CSMD1: variants seen among roughly 807,000 people sequenced by gnomAD.
CSMD1 encodes the protein CUB and Sushi multiple domains 1.
A neutral mutation model predicts 417.5 loss-of-function variants in CSMD1; 213 were observed. That is an observed-to-expected ratio of 0.51 (90% CI 0.46 to 0.57). The LOEUF (loss-of-function observed/expected upper bound fraction) is 0.57, where lower values mean the gene tolerates loss of function less well. Among genes scored for constraint, CSMD1 ranks in the 20% least tolerant of loss-of-function variants. The probability of loss-of-function intolerance (pLI) is 0.00; values close to 1 mark genes in which losing one functional copy is unlikely to be tolerated. For synonymous variants in CSMD1, 2,862 were observed against 1,736.8 expected, an observed-to-expected ratio of 1.65 and a Z score of -16.11; for missense variants, 6,923 against 4,529.7, an observed-to-expected ratio of 1.53 and a Z score of -15.17.
rs1563309443 is a variant in CSMD1, at chr8:4,231,034, A to AG, written c.415+188918_415+188919insC. On this transcript the variant is annotated intron_variant, in intron 3 of 69. Transcript: ENST00000635120. ...ACATTCACAGAGCAAAAACTATCCA[A>AG]CTTGCTACCGTGGGAAAATTGGGGA... 1.7e-4 allele frequency among the ~76,000 whole-genome samples: 26 copies of AG among 152,020 alleles called. No individual in the cohort carries two copies. The South Asian group carries it at 5.0e-3, about 29-fold the overall frequency.
chr8:4,216,606 C>T (rs985553973), intron 3 of CSMD1, among the ~76,000 whole-genome samples: 4 of 152,156 alleles, frequency 2.6e-5, no homozygotes, highest in Admixed American at 2.0e-4. Context: ...GTGCTGAGGA[C>T]ACCGTGAAGT....
chr8:3,482,050 A>G (rs1817778639), intron 11 of CSMD1, among the ~76,000 whole-genome samples: 2 of 152,244 alleles, frequency 1.3e-5, no homozygotes, highest in Admixed American at 1.3e-4. Context: ...CATGAAATAT[A>G]CCACAAACAG....
At chr8:4,947,240 T>C (rs1369141397) in intron 1 of CSMD1, among the ~76,000 whole-genome samples, 1 of 152,154 alleles carries the variant, frequency 6.6e-6, no homozygotes, top group Non-Finnish European at 1.5e-5. Context: ...CTTCAAACAG[T>C]GAAATTTTTA....
At chr8:3,213,075 C>T (rs111406356) in intron 30 of CSMD1, among the ~76,000 whole-genome samples, 17,911 of 152,082 alleles carry the variant, frequency 0.12, 1,392 homozygotes, top group South Asian at 0.27. Flanking sequence ...GATCCACCCA[C>T]GTCAGCCTCC....
At chr8:3,254,263 T>A (rs1480438813) in intron 26 of CSMD1, among the ~76,000 whole-genome samples, 2 of 152,220 alleles carry the variant, frequency 1.3e-5, no homozygotes, top group African/African-American at 4.8e-5. Flanking sequence ...CTGATGGGCT[T>A]CCCTTTGTGG....
At chr8:4,236,703 G>A (rs553818293) in intron 3 of CSMD1, among the ~76,000 whole-genome samples, 2 of 152,186 alleles carry the variant, frequency 1.3e-5, no homozygotes, top group African/African-American at 2.4e-5. Flanking sequence ...CCCTTCATCT[G>A]TAAAATGGCA....
chr8:4,495,379 G>C (rs1801927899), intron 2 of CSMD1, among the ~76,000 whole-genome samples: 1 of 152,124 alleles, frequency 6.6e-6, no homozygotes, highest in African/African-American at 2.4e-5. Flanking sequence ...TTCGAGACTA[G>C]CATGGCCAAC....
intron 26 of CSMD1, among the ~76,000 whole-genome samples, chr8:3,282,502 T>C (rs1802817312): frequency 6.6e-6 from 1 of 152,178 alleles, no homozygotes; most frequent in Admixed American, 6.6e-5. Context: ...TTCTACCATC[T>C]GCTCTTGCCA....
chr8:3,706,419 A>T (rs911843806), intron 7 of CSMD1, among the ~76,000 whole-genome samples: 8 of 152,140 alleles, frequency 5.3e-5, no homozygotes, highest in Non-Finnish European at 1.2e-4. Context: ...ATTACCATTG[A>T]TTACCTTCCT....
chr8:3,548,334 G>T (rs1293814181), intron 10 of CSMD1, among the ~76,000 whole-genome samples: 3 of 152,032 alleles, frequency 2.0e-5, no homozygotes, highest in African/African-American at 7.2e-5. Flanking sequence ...GGAACAGGTG[G>T]TATTTGGTTA....
intron 26 of CSMD1, among the ~76,000 whole-genome samples, chr8:3,277,680 T>C (rs1296281776): frequency 1.3e-5 from 2 of 152,148 alleles, no homozygotes; most frequent in East Asian, 3.9e-4. Context: ...GTTTCAGGTG[T>C]TGAGTTGCCT....
intron 2 of CSMD1, among the ~76,000 whole-genome samples, chr8:4,432,986 A>G (rs1585066272): frequency 6.6e-6 from 1 of 152,236 alleles, no homozygotes; most frequent in East Asian, 1.9e-4. Flanking sequence ...CTGTCAGATC[A>G]GTGGGAGCAT....
At chr8:4,665,883 G>C (rs1281746822) in intron 1 of CSMD1, among the ~76,000 whole-genome samples, 2 of 152,148 alleles carry the variant, frequency 1.3e-5, no homozygotes, top group East Asian at 1.9e-4. Context: ...GGAAGACCTT[G>C]CAGGATTGTA....
chr8:4,458,642 G>A (rs1432818423), intron 2 of CSMD1, among the ~76,000 whole-genome samples: 1 of 152,142 alleles, frequency 6.6e-6, no homozygotes, highest in East Asian at 1.9e-4. Context: ...CAATGAGAAT[G>A]TATTTTGTAT....
At chr8:3,452,927 G>C (rs1394378055) in intron 12 of CSMD1, among the ~76,000 whole-genome samples, 1 of 152,164 alleles carries the variant, frequency 6.6e-6, no homozygotes, top group Non-Finnish European at 1.5e-5. Context: ...GTAGAATTCG[G>C]CTGTGAATCC....
chr8:4,405,020 G>T (rs1007713236), intron 3 of CSMD1, among the ~76,000 whole-genome samples: 4 of 152,230 alleles, frequency 2.6e-5, no homozygotes, highest in African/African-American at 9.6e-5. Flanking sequence ...TAATAAAACT[G>T]AGGTTTAAAC....
intron 1 of CSMD1, among the ~76,000 whole-genome samples, chr8:4,842,056 C>G (rs1422322862): frequency 6.6e-6 from 1 of 151,130 alleles, no homozygotes; most frequent in Non-Finnish European, 1.5e-5. Flanking sequence ...TTTCAATCAA[C>G]ATGTAAATTT....
intron 2 of CSMD1, among the ~76,000 whole-genome samples, chr8:4,425,098 A>C (rs1411371942): frequency 6.6e-6 from 1 of 152,088 alleles, no homozygotes; most frequent in East Asian, 1.9e-4. Context: ...ATATTCGCCT[A>C]AGTTAGGTAC....
At chr8:4,724,433 A>C (rs1809276024) in intron 1 of CSMD1, among the ~76,000 whole-genome samples, 3 of 151,996 alleles carry the variant, frequency 2.0e-5, no homozygotes, top group African/African-American at 7.2e-5. Context: ...TATACAAATA[A>C]CAGATTCAAA....
Sources: allele counts gnomAD v4.1 joint callset (sites outside exome capture counted in the v4.1 genomes callset), GRCh38; gene constraint gnomAD v4.1.1; transcripts MANE v1.5; gene names NCBI Gene and HGNC (gene_info 2026-07-23, HGNC 2026-07-21).